The following PRDM5 variants were observed in gnomAD, a reference collection of about 807,000 sequenced individuals.
PRDM5 encodes PR/SET domain 5.
PRDM5 carries 56 observed loss-of-function variants against 81.2 expected under a neutral mutation model. That is an observed-to-expected ratio of 0.69 (90% CI 0.56 to 0.86). The LOEUF (loss-of-function observed/expected upper bound fraction) is 0.86, where lower values mean the gene tolerates loss of function less well. Ranked by LOEUF, PRDM5 falls within the 40% of genes least tolerant of loss-of-function variation. The pLI, the probability that PRDM5 is intolerant of heterozygous loss-of-function variation, is 0.00. For synonymous variants in PRDM5, 267 were observed against 256.4 expected (o/e 1.04, Z -0.39); for missense variants, 697 against 770.1 (o/e 0.91, Z 1.12).
At chr4:120,898,180 T>C (rs1764861925) in intron 2 of PRDM5, among the ~76,000 whole-genome samples, 1 of 152,214 alleles carries the variant, frequency 6.6e-6, no homozygotes. Flanking sequence ...TCAGTCTGTT[T>C]CAGTGTACTA....
chr4:120,686,365 T>C (rs1439938904), intron 1 of PRDM5, among the ~76,000 whole-genome samples: 1 of 152,266 alleles, frequency 6.6e-6, no homozygotes, highest in South Asian at 2.1e-4. Flanking sequence ...AAATATATTT[T>C]GTAACTAAAT....
chr4:120,781,489 T>C (rs1340726552), intron 11 of PRDM5, among the ~76,000 whole-genome samples, 186 bp from the exon 12 acceptor site: 1 of 152,324 alleles, frequency 6.6e-6, no homozygotes, highest in African/African-American at 2.4e-5. Flanking sequence ...TAGGCAGAAG[T>C]CCTTTCATCT....
At chr4:120,889,885 A>G (rs1763852064) in intron 2 of PRDM5, among the ~76,000 whole-genome samples, 1 of 152,054 alleles carries the variant, frequency 6.6e-6, no homozygotes, top group Admixed American at 6.5e-5. Flanking sequence ...GGCATGATCT[A>G]GTTCTTTTTT....
chr4:120,717,691 T>C (rs1432692368), intron 14 of PRDM5, among the ~76,000 whole-genome samples: 1 of 152,180 alleles, frequency 6.6e-6, no homozygotes, highest in Non-Finnish European at 1.5e-5. Context: ...TCAGACAGGC[T>C]ACCAAGGATA....
chr4:120,826,040 T>C (rs1019431199), intron 3 of PRDM5, among the ~76,000 whole-genome samples: 3 of 152,196 alleles, frequency 2.0e-5, no homozygotes, highest in Non-Finnish European at 2.9e-5. Context: ...CTAACAACAA[T>C]ATTGACTGGG....
chr4:120,801,966 A>T (rs1752174686), intron 8 of PRDM5, among the ~76,000 whole-genome samples: 1 of 152,170 alleles, frequency 6.6e-6, no homozygotes, highest in Non-Finnish European at 1.5e-5. Context: ...TTTTGTTATC[A>T]TTTTTAATGT....
intron 2 of PRDM5, among the ~76,000 whole-genome samples, chr4:120,904,191 A>AAAAAAAAAAAAAAC (rs1376743950): frequency 2.1e-5 from 3 of 140,518 alleles, no homozygotes; most frequent in Admixed American, 7.0e-5. Context: ...CTCCTTCTCA[A>AAAAAAAAAAAAAAC]AAAAAAAAAA....
intron 15 of PRDM5, among the ~76,000 whole-genome samples, chr4:120,708,155 C>T (rs1736468648): frequency 6.6e-6 from 1 of 151,982 alleles, no homozygotes; most frequent in Non-Finnish European, 1.5e-5. Flanking sequence ...AGGTATATAC[C>T]CCAAATAATT....
At chr4:120,726,822 C>T (rs564933612) in intron 14 of PRDM5, among the ~76,000 whole-genome samples, 1 of 152,216 alleles carries the variant, frequency 6.6e-6, no homozygotes, top group African/African-American at 2.4e-5. Context: ...GGCTTTGAGC[C>T]TAGTATTGCA....
intron 2 of PRDM5, among the ~76,000 whole-genome samples, chr4:120,868,658 A>T (rs1272800564): frequency 6.6e-6 from 1 of 152,140 alleles, no homozygotes; most frequent in Non-Finnish European, 1.5e-5. Flanking sequence ...AAAACCTGTT[A>T]ATTTATTTGG....
At chr4:120,868,627 G>T (rs1189201943) in intron 2 of PRDM5, among the ~76,000 whole-genome samples, 27 of 152,132 alleles carry the variant, frequency 1.8e-4, no homozygotes, top group Admixed American at 1.8e-3. Context: ...AAGGAAAAGT[G>T]CAATGCCACA....
chr4:120,840,103 C>T lies in PRDM5; in HGVS notation c.300+13315G>A, dbSNP rs1005641974. Among the ~76,000 whole-genome samples, 8 of 152,324 alleles carry T rather than the reference C, an allele frequency of 5.3e-5. No homozygotes were observed. The South Asian group carries it at 6.2e-4, about 12-fold the overall frequency. On this transcript the variant is annotated intron_variant, in intron 3 of 15. Coordinates refer to ENST00000264808, the MANE Select transcript of PRDM5 (RefSeq NM_018699.4). ...CAGCGCCAACTTGGGTAGCTGAAGC[C>T]GCATCTGGGAGGGTGCGGCTGCTAC... is the stretch of plus-strand genomic sequence containing the variant.
At chr4:120,870,484 G>T (rs1404626028) in intron 2 of PRDM5, among the ~76,000 whole-genome samples, 1 of 152,058 alleles carries the variant, frequency 6.6e-6, no homozygotes, top group Non-Finnish European at 1.5e-5. Flanking sequence ...CCTAGTGGGG[G>T]GTGGGGGAAA....
intron 14 of PRDM5, among the ~76,000 whole-genome samples, chr4:120,745,128 T>C (rs1578563253): frequency 9.1e-6 from 1 of 109,876 alleles, no homozygotes. Flanking sequence ...TGGTTCAATA[T>C]ACGCAAATCA....
At position 120,816,443 on chromosome 4, in the gene PRDM5, G is replaced by A. The variant is rs773648126; in HGVS notation, c.865+10C>T. 8.4e-5 allele frequency: 136 copies of A among 1,613,998 alleles called. No homozygotes were observed. Among genetic ancestry groups the A allele is most frequent in the Non-Finnish European group, 1.1e-4 (124 of 1,180,024 alleles). Reference sequence around the variant, plus strand: ...GCCCCTTCGGAAACGACCCTCCAACGACTCCTCACCAGTGTGGACATTTTC... The same window carrying A: ...GCCCCTTCGGAAACGACCCTCCAACAACTCCTCACCAGTGTGGACATTTTC... On this transcript the variant is annotated intron_variant, in intron 7 of 15. Coordinates refer to ENST00000264808, the MANE Select transcript of PRDM5 (RefSeq NM_018699.4).
intron 9 of PRDM5, among the ~76,000 whole-genome samples, 181 bp from the exon 10 acceptor site, chr4:120,798,605 G>A (rs1046101041): frequency 1.3e-5 from 2 of 152,216 alleles, no homozygotes; most frequent in East Asian, 1.9e-4. Flanking sequence ...AATGAAATAT[G>A]AGCTTGTTCT....
chr4:120,920,424 TCCCTTGATTTATGTCCAGAATTAGG>T (rs1011401869), intron 1 of PRDM5, among the ~76,000 whole-genome samples: 28 of 152,210 alleles, frequency 1.8e-4, no homozygotes, highest in Non-Finnish European at 3.7e-4. Context: ...TCTTCTCAGA[TCCCTTGATTTATGTCCAGAATTAGG>T]CCTAGTACAA....
At chr4:120,724,957 G>A (rs1739174280) in intron 14 of PRDM5, among the ~76,000 whole-genome samples, 1 of 152,164 alleles carries the variant, frequency 6.6e-6, no homozygotes, top group African/African-American at 2.4e-5. Flanking sequence ...GCATAAACCT[G>A]CCCCAGTCAA....
intron 9 of PRDM5, 94 bp from the exon 10 acceptor site, chr4:120,798,518 A>G (rs1250064925): frequency 1.7e-6 from 2 of 1,146,336 alleles, no homozygotes; most frequent in Non-Finnish European, 2.5e-6. Flanking sequence ...TCTTACGGTA[A>G]GAAAACTAAA....
Sources: gnomAD v4.1 joint callset for allele counts (sites outside exome capture counted in the v4.1 genomes callset) on GRCh38, gnomAD v4.1.1 for gene constraint, MANE v1.5 for transcripts, NCBI Gene and HGNC (gene_info 2026-07-23, HGNC 2026-07-21) for gene names.